The following FLRT2 variants were observed in gnomAD, a reference collection of about 807,000 sequenced individuals.
The protein encoded by FLRT2 is leucine-rich repeat transmembrane protein FLRT2.
In FLRT2, 15 loss-of-function variants were observed where a neutral mutation model predicts 40.0. The ratio of observed to expected loss-of-function variants is 0.38; its 90% CI spans 0.25 to 0.58. FLRT2 has a LOEUF of 0.58. Among genes scored for constraint, FLRT2 ranks in the 20% least tolerant of loss-of-function variants. FLRT2 has a pLI of 0.71. For synonymous variants in FLRT2, 380 were observed against 336.8 expected (o/e 1.13, Z -1.41); for missense variants, 726 against 840.0 (o/e 0.86, Z 1.68).
At chr14:85,570,682 T>C (rs886326318) in intron 1 of FLRT2, among the ~76,000 whole-genome samples, 9 of 151,708 alleles carry the variant, frequency 5.9e-5, no homozygotes, top group Admixed American at 5.3e-4. Context: ...CCTGGGTTCA[T>C]GCCATTCTCC....
chr14:85,591,896 T>C (rs1311551971), intron 1 of FLRT2, among the ~76,000 whole-genome samples: 2 of 152,204 alleles, frequency 1.3e-5, no homozygotes, highest in African/African-American at 4.8e-5. Context: ...GCCCTGACTC[T>C]TATGGATGTG....
At chr14:85,537,176 AATC>A (rs1446975435) in intron 1 of FLRT2, among the ~76,000 whole-genome samples, 1 of 152,156 alleles carries the variant, frequency 6.6e-6, no homozygotes, top group Non-Finnish European at 1.5e-5. Context: ...TCTGATTCCT[AATC>A]CAGGTTTGTC....
rs34204979 is a variant in FLRT2 at position 85,632,464 on chromosome 14, C to CAAAAA, written c.*8982_*8986dup. The CAAAAA allele has an allele frequency of 1.9e-5, 2 of 105,734 alleles. No individual in the cohort carries two copies. Among genetic ancestry groups the CAAAAA allele is most frequent in the Admixed American group, 1.0e-4 (1 of 9,536 alleles). 6.5% of individuals were successfully genotyped at this position (105,734 alleles called of 1,614,324 possible). ...TCCAGCCTGGTGACAGAGTGAGACTCAAAAAAAAAAAAAAAAAAATCACCT... is the reference window on the plus strand; with the variant it reads ...TCCAGCCTGGTGACAGAGTGAGACTCAAAAAAAAAAAAAAAAAAAAAAAATCACCT... On this transcript the variant is annotated 3_prime_UTR_variant, in exon 2 of 2. Coordinates refer to ENST00000330753, the MANE Select transcript of FLRT2 (RefSeq NM_013231.6).
At position 85,622,211 on chromosome 14, in the gene FLRT2, A is replaced by G. The variant is rs764502741; in HGVS notation, c.697A>G (p.Lys233Glu). The G allele has an allele frequency of 1.6e-5, 26 of 1,614,064 alleles. No homozygotes were observed. The South Asian group carries it at 2.0e-4, about 12-fold the overall frequency. Residue 233 changes from lysine to glutamate, a missense_variant, in exon 2 of 2, where the codon AAG becomes GAG. Coordinates refer to ENST00000330753, the MANE Select transcript of FLRT2 (RefSeq NM_013231.6). Reference sequence around the variant, plus strand: ...CACCTTCAGCCATCTCACCAAGCTCAAGGAATTTTCAATTGTACGTAATTC... The same window carrying G: ...CACCTTCAGCCATCTCACCAAGCTCGAGGAATTTTCAATTGTACGTAATTC... ...EGTFSHLTKL[K>E]EFSIVRNSLS...
In FLRT2 at chr14:85,652,954, T is replaced by C. The variant is rs972181604; in HGVS notation, c.*29457T>C. 1 of 152,162 alleles carries C rather than the reference T, an allele frequency of 6.6e-6. No homozygotes were observed. Among genetic ancestry groups the C allele is most frequent in the Non-Finnish European group, 1.5e-5 (1 of 68,038 alleles). 9.4% of individuals were successfully genotyped at this position (152,162 alleles called of 1,614,324 possible). On this transcript the variant is annotated 3_prime_UTR_variant, in exon 2 of 2. Coordinates refer to ENST00000330753, the MANE Select transcript of FLRT2 (RefSeq NM_013231.6). ...TTCGATTTGTTCGGCTTGGGGAATGTCATAGTTCATTCTGTGAGTGGAAGT... is the reference window on the plus strand; with the variant it reads ...TTCGATTTGTTCGGCTTGGGGAATGCCATAGTTCATTCTGTGAGTGGAAGT...
rs1193559419 is a variant in FLRT2, at chr14:85,623,470, G to A, written c.1956G>A (p.Val652=). Residue 652 remains valine, a synonymous_variant, in exon 2 of 2, where the codon GTG becomes GTA. Coordinates refer to ENST00000330753, the MANE Select transcript of FLRT2 (RefSeq NM_013231.6). ...PNNMRYCNSS[V]PDLEHCHT The stretch of plus-strand genomic sequence containing the variant: ...ACATGCGATACTGCAACAGCAGCGT[G>A]CCAGACCTGGAGCACTGCCATACGT... 3 of 1,455,046 alleles carry A rather than the reference G, an allele frequency of 2.1e-6. No homozygotes were observed. The highest frequency in any genetic ancestry group is 1.8e-6 in the Non-Finnish European group (2 of 1,104,482). 90.1% of individuals were successfully genotyped at this position (1,455,046 alleles called of 1,614,324 possible).
chr14:85,547,814 G>A (rs761955905), intron 1 of FLRT2, among the ~76,000 whole-genome samples: 1 of 152,180 alleles, frequency 6.6e-6, no homozygotes, highest in Non-Finnish European at 1.5e-5. Context: ...ATTTTAGGGA[G>A]ACATAAGACA....
In FLRT2 at chr14:85,650,346, G is replaced by A. The variant is rs1217706463; in HGVS notation, c.*26849G>A. The A allele has an allele frequency of 6.6e-6, 1 of 151,540 alleles. No individual in the cohort carries two copies. The highest frequency in any genetic ancestry group is 2.1e-4 in the South Asian group (1 of 4,812). 9.4% of individuals were successfully genotyped at this position (151,540 alleles called of 1,614,324 possible). The stretch of plus-strand genomic sequence containing the variant: ...ATACATATATATTTAAAATATATAG[G>A]TATTTTAATTTTACTGTATTATATT... On this transcript the variant is annotated 3_prime_UTR_variant, in exon 2 of 2. Transcript: ENST00000330753.
chr14:85,551,755 G>C (rs753298060), intron 1 of FLRT2: 4 of 152,164 alleles, frequency 2.6e-5, no homozygotes, highest in Non-Finnish European at 2.9e-5. Flanking sequence ...GTGAGAAAAG[G>C]TAGCCATGTG....
chr14:85,571,573 G>T (rs1269348463), intron 1 of FLRT2, among the ~76,000 whole-genome samples: 2 of 152,144 alleles, frequency 1.3e-5, no homozygotes, highest in Non-Finnish European at 2.9e-5. Context: ...ATCATTGTTA[G>T]TCCAGTACTG....
rs1476420716 is a variant in FLRT2 at position 85,642,049 on chromosome 14, T to C, written c.*18552T>C. ...AAATTCAGAGTTTTAAATAACTGGC[T>C]CAAGGCAAGTCAGAGGTCCAAGGAG... On this transcript the variant is annotated 3_prime_UTR_variant, in exon 2 of 2. Coordinates refer to ENST00000330753, the MANE Select transcript of FLRT2 (RefSeq NM_013231.6). 1 of 147,746 alleles carries C rather than the reference T, an allele frequency of 6.8e-6. No homozygotes were observed. Among genetic ancestry groups the C allele is most frequent in the Non-Finnish European group, 1.5e-5 (1 of 67,586 alleles). 9.2% of individuals were successfully genotyped at this position (147,746 alleles called of 1,614,324 possible). A position where few individuals can be genotyped will look rare whatever the true frequency, so the allele number is the denominator to read the frequency against.
At chr14:85,567,634 CATTT>C (rs1890686307) in intron 1 of FLRT2, among the ~76,000 whole-genome samples, 3 of 126,106 alleles carry the variant, frequency 2.4e-5, no homozygotes, top group Admixed American at 8.9e-5. Flanking sequence ...AAGTGACTTA[CATTT>C]TTTTTTTTTT....
intron 1 of FLRT2, among the ~76,000 whole-genome samples, chr14:85,545,432 T>C (rs1889225286): frequency 6.6e-6 from 1 of 152,210 alleles, no homozygotes; most frequent in African/African-American, 2.4e-5. Flanking sequence ...AAAGGGTAGA[T>C]GGACACTGGA....
chr14:85,576,360 T>C (rs539604039), intron 1 of FLRT2, among the ~76,000 whole-genome samples: 1 of 152,288 alleles, frequency 6.6e-6, no homozygotes, highest in African/African-American at 2.4e-5. Context: ...TTTCCTTTAT[T>C]TAGGCATAAA....
chr14:85,602,515 G>A (rs17645413), intron 1 of FLRT2, among the ~76,000 whole-genome samples: 3,221 of 152,262 alleles, frequency 0.021, 57 homozygotes, highest in South Asian at 0.08. Flanking sequence ...GTCTTCCTCC[G>A]GGTTTGTTCA....
intron 1 of FLRT2, among the ~76,000 whole-genome samples, chr14:85,565,605 G>A (rs970613775): frequency 2.0e-5 from 3 of 152,122 alleles, no homozygotes; most frequent in South Asian, 2.1e-4. Flanking sequence ...GCATGGAGAT[G>A]TATTAAGATA....
intron 1 of FLRT2, among the ~76,000 whole-genome samples, chr14:85,611,285 C>T (rs559673252): frequency 6.6e-6 from 1 of 152,220 alleles, no homozygotes; most frequent in East Asian, 1.9e-4. Flanking sequence ...GGCCACTCAA[C>T]AATTGCCTGA....
chr14:85,603,527 T>C (rs1261867990), intron 1 of FLRT2, among the ~76,000 whole-genome samples: 1 of 152,178 alleles, frequency 6.6e-6, no homozygotes, highest in African/African-American at 2.4e-5. Context: ...GGATTTCCTT[T>C]TCATTCTTAC....
intron 1 of FLRT2, among the ~76,000 whole-genome samples, chr14:85,550,224 A>G (rs1889529398): frequency 6.6e-6 from 1 of 152,132 alleles, no homozygotes; most frequent in African/African-American, 2.4e-5. Flanking sequence ...ACTATAAACG[A>G]GAAAATAGCC....
Sources: gnomAD v4.1 joint callset for allele counts (sites outside exome capture counted in the v4.1 genomes callset) on GRCh38, gnomAD v4.1.1 for gene constraint, MANE v1.5 for transcripts, NCBI Gene and HGNC (gene_info 2026-07-23, HGNC 2026-07-21) for gene names.